SPON1: variants seen among roughly 807,000 people sequenced by gnomAD.
The protein encoded by SPON1 is spondin-1.
SPON1 carries 52 observed loss-of-function variants against 111.7 expected under a neutral mutation model. The ratio of observed to expected loss-of-function variants is 0.47; its 90% CI spans 0.37 to 0.59. SPON1 has a LOEUF of 0.59. SPON1 is among the 20% of genes least tolerant of loss of function. The probability of loss-of-function intolerance (pLI) is 0.00; values close to 1 mark genes in which losing one functional copy is unlikely to be tolerated. For missense variants in SPON1, 957 were observed against 1,068.5 expected (o/e 0.90, Z 1.46); for synonymous variants, 410 against 395.8 (o/e 1.04, Z -0.43).
At chr11:14,109,960 C>G (rs1207548764) in intron 5 of SPON1, among the ~76,000 whole-genome samples, 1 of 152,230 alleles carries the variant, frequency 6.6e-6, no homozygotes, top group Non-Finnish European at 1.5e-5. Context: ...CGTCACAGCA[C>G]AGATCCTAAC....
rs1554921327 is a variant in SPON1, at chr11:14,075,398, C to G, written c.533C>G (p.Thr178Ser). Residue 178 changes from threonine to serine, a missense_variant, in exon 4 of 16, where the codon ACC becomes AGC. Physicochemically the swap from Thr to Ser is moderately conservative, Grantham distance 58 (BLOSUM62 1). Transcript: ENST00000576479. Reference sequence around the variant, plus strand: ...TATTTTCAAGATGAGGGCTCTCTGACCAAGAAACTTTGTGAACAAGGTAAG... The same window carrying G: ...TATTTTCAAGATGAGGGCTCTCTGAGCAAGAAACTTTGTGAACAAGGTAAG... ...IIYFQDEGSL[T>S]KKLCEQDSTF... is the part of the protein sequence containing the mutation. 1 of 1,559,136 alleles carries G rather than the reference C, an allele frequency of 6.4e-7. No homozygotes were observed. The highest frequency in any genetic ancestry group is 8.7e-7 in the Non-Finnish European group (1 of 1,150,556).
chr11:14,049,337 A>C (rs2133817526), intron 3 of SPON1, among the ~76,000 whole-genome samples: 1 of 152,076 alleles, frequency 6.6e-6, no homozygotes, highest in Non-Finnish European at 1.5e-5. Context: ...TCTTACAGAA[A>C]CCTCCTGACT....
rs75386570 is a variant in SPON1, at chr11:14,245,525, C to T, written c.890+2129C>T. ...AGGGTGAGGAATGGCTCTGGAGCCC[C>T]AGAGCAGGGGCAGAACCCTCTCCTG... On this transcript the variant is annotated intron_variant, in intron 7 of 15. Coordinates refer to ENST00000576479, the MANE Select transcript of SPON1 (RefSeq NM_006108.4). Among the ~76,000 whole-genome samples, 110 of 152,276 alleles carry T rather than the reference C, an allele frequency of 7.2e-4. 1 individual carries two copies. The highest frequency in any genetic ancestry group is 3.4e-3 in the Middle Eastern group (1 of 294).
chr11:13,991,067 C>T (rs782664663), intron 2 of SPON1, among the ~76,000 whole-genome samples: 3 of 152,082 alleles, frequency 2.0e-5, no homozygotes, highest in Non-Finnish European at 4.4e-5. Flanking sequence ...TTGCTCTTCT[C>T]GAGGAGTATC....
chr11:14,201,995 T>G (rs1349779115), intron 6 of SPON1, among the ~76,000 whole-genome samples: 2 of 152,196 alleles, frequency 1.3e-5, no homozygotes, highest in African/African-American at 2.4e-5. Context: ...AATGGATAAA[T>G]TATTCATTAT....
intron 6 of SPON1, among the ~76,000 whole-genome samples, chr11:14,210,001 C>G (rs1348873139): frequency 2.6e-5 from 4 of 152,354 alleles, no homozygotes; most frequent in Admixed American, 2.6e-4. Flanking sequence ...TTGCATTTCT[C>G]TAATGACCAG....
At chr11:14,120,278 T>C (rs182800765) in intron 5 of SPON1, among the ~76,000 whole-genome samples, 2 of 152,324 alleles carry the variant, frequency 1.3e-5, no homozygotes, top group East Asian at 3.9e-4. Context: ...CAGGAAGTAC[T>C]TAAAGAGCCT....
chr11:14,174,446 A>G (rs1275616313), intron 6 of SPON1, among the ~76,000 whole-genome samples: 1 of 152,180 alleles, frequency 6.6e-6, no homozygotes, highest in Non-Finnish European at 1.5e-5. Context: ...AAAACTCAAA[A>G]CCTTCAGATA....
chr11:14,187,064 G>A (rs1334232220), intron 6 of SPON1, among the ~76,000 whole-genome samples: 2 of 152,180 alleles, frequency 1.3e-5, no homozygotes, highest in Non-Finnish European at 2.9e-5. Context: ...GGCTTCCGGT[G>A]AGGTCTCAGG....
In SPON1 at chr11:14,013,568, G is replaced by A. The variant is rs1363048311; in HGVS notation, c.346-27953G>A. 1.6e-4 allele frequency among the ~76,000 whole-genome samples: 24 copies of A among 152,164 alleles called. 1 individual carries two copies. The highest frequency in any genetic ancestry group is 1.5e-5 in the Non-Finnish European group (1 of 68,024). On this transcript the variant is annotated intron_variant, in intron 2 of 15. Coordinates refer to ENST00000576479, the MANE Select transcript of SPON1 (RefSeq NM_006108.4). ...TGCCTGAAGTCCCATTGACTGTGTT[G>A]CCTGCCTATTGAGTAGGATCTTCTG...
chr11:14,235,696 AAAAAAAAAAAAGT>A (rs1848857020), intron 6 of SPON1, among the ~76,000 whole-genome samples: 1 of 151,484 alleles, frequency 6.6e-6, no homozygotes, highest in African/African-American at 2.4e-5. Flanking sequence ...AAAAAAAAAA[AAAAAAAAAAAAGT>A]AAGCAAAATG....
At chr11:14,034,124 C>T (rs916794630) in intron 2 of SPON1, among the ~76,000 whole-genome samples, 2 of 152,102 alleles carry the variant, frequency 1.3e-5, no homozygotes, top group African/African-American at 2.4e-5. Flanking sequence ...CCAGCCTGGG[C>T]AACATAGTAA....
chr11:14,060,602 A>G (rs1435149621), intron 3 of SPON1, among the ~76,000 whole-genome samples: 25 of 152,208 alleles, frequency 1.6e-4, no homozygotes, highest in Non-Finnish European at 4.4e-5. Flanking sequence ...AGCAGCTTTT[A>G]AAACTTACCT....
At chr11:14,209,928 T>G (rs1478149708) in intron 6 of SPON1, among the ~76,000 whole-genome samples, 2 of 152,214 alleles carry the variant, frequency 1.3e-5, no homozygotes, top group Non-Finnish European at 2.9e-5. Context: ...ATCTGTTGTT[T>G]CCTGACTTTT....
intron 11 of SPON1, among the ~76,000 whole-genome samples, chr11:14,258,310 A>G (rs1849132297): frequency 6.6e-6 from 1 of 152,200 alleles, no homozygotes; most frequent in Admixed American, 6.5e-5. Context: ...CCTCAGCGTG[A>G]GTCAGAGCAC....
At chr11:14,041,821 C>T (rs1282811236) in intron 3 of SPON1, among the ~76,000 whole-genome samples, 167 bp downstream of exon 3, 3 of 152,072 alleles carry the variant, frequency 2.0e-5, no homozygotes, top group Non-Finnish European at 4.4e-5. Flanking sequence ...GTGAAGTGTT[C>T]CATAAAGATT....
chr11:14,108,064 A>G (rs1388360283), intron 5 of SPON1, among the ~76,000 whole-genome samples: 1 of 152,124 alleles, frequency 6.6e-6, no homozygotes, highest in Admixed American at 6.6e-5. Flanking sequence ...ACCATTTACT[A>G]GCTGTAGCAC....
intron 1 of SPON1, among the ~76,000 whole-genome samples, chr11:13,979,199 A>G (rs1328392047): frequency 1.3e-5 from 2 of 152,066 alleles, no homozygotes; most frequent in East Asian, 3.9e-4. Context: ...AACAGGCCTT[A>G]GCTTTCTGCG....
chr11:13,997,171 C>T (rs985073710), intron 2 of SPON1, among the ~76,000 whole-genome samples: 1 of 152,120 alleles, frequency 6.6e-6, no homozygotes, highest in Non-Finnish European at 1.5e-5. Flanking sequence ...TGGAGGCAGC[C>T]GTTTGGGTTT....
Sources: allele counts gnomAD v4.1 joint callset (sites outside exome capture counted in the v4.1 genomes callset), GRCh38; gene constraint gnomAD v4.1.1; transcripts MANE v1.5; gene names NCBI Gene and HGNC (gene_info 2026-07-23, HGNC 2026-07-21).